The following MAGI2 variants were observed in gnomAD, a reference collection of about 807,000 sequenced individuals.
MAGI2 encodes membrane associated guanylate kinase, WW and PDZ domain containing 2, also known as membrane-associated guanylate kinase, WW and PDZ domain-containing protein 2.
Under a neutral mutation model 133.3 loss-of-function variants are expected in MAGI2, and 35 were observed. The observed-to-expected ratio is 0.26, with a 90% CI of 0.20 to 0.35. The LOEUF is 0.35. Ranked by LOEUF, MAGI2 falls within the 10% of genes least tolerant of loss-of-function variation. The pLI, the probability that MAGI2 is intolerant of heterozygous loss-of-function variation, is 1.00. For synonymous variants in MAGI2, 729 were observed against 710.6 expected, an observed-to-expected ratio of 1.03 and a Z score of -0.41; for missense variants, 1,636 against 1,863.4, an observed-to-expected ratio of 0.88 and a Z score of 2.25.
At chr7:78,536,139 G>A (rs1312704625) in intron 3 of MAGI2, among the ~76,000 whole-genome samples, 3 of 96,688 alleles carry the variant, frequency 3.1e-5, no homozygotes, top group Non-Finnish European at 5.9e-5. Context: ...TTGAGACGGA[G>A]TCTCGCTCTG....
At chr7:79,202,296 A>G (rs1037978362) in intron 1 of MAGI2, among the ~76,000 whole-genome samples, 15 of 151,862 alleles carry the variant, frequency 9.9e-5, no homozygotes, top group Non-Finnish European at 1.2e-4. Context: ...GAAGAGTCAC[A>G]CCCAATATGG....
At chr7:78,569,571 CT>C (rs1801296272) in intron 3 of MAGI2, among the ~76,000 whole-genome samples, 3 of 151,904 alleles carry the variant, frequency 2.0e-5, no homozygotes, top group Admixed American at 2.0e-4. Context: ...AAACAATTTT[CT>C]GGCAAAAAGG....
At chr7:78,690,850 C>G (rs1816880598) in intron 2 of MAGI2, among the ~76,000 whole-genome samples, 1 of 152,118 alleles carries the variant, frequency 6.6e-6, no homozygotes, top group Non-Finnish European at 1.5e-5. Context: ...AGCAGATGAG[C>G]AAGTAGAGTA....
chr7:79,299,638 C>T (rs897010964), intron 1 of MAGI2, among the ~76,000 whole-genome samples: 2 of 150,006 alleles, frequency 1.3e-5, no homozygotes, highest in South Asian at 2.1e-4. Flanking sequence ...TATTTCAAAT[C>T]GGTTGGCAAA....
intron 1 of MAGI2, among the ~76,000 whole-genome samples, chr7:79,062,684 CA>C (rs1239886062): frequency 6.6e-6 from 1 of 151,812 alleles, no homozygotes; most frequent in Non-Finnish European, 1.5e-5. Context: ...AATTTGAAAA[CA>C]AAACAATCCA....
At chr7:78,687,225 C>A (rs1401291401) in intron 2 of MAGI2, among the ~76,000 whole-genome samples, 1 of 152,112 alleles carries the variant, frequency 6.6e-6, no homozygotes, top group East Asian at 1.9e-4. Flanking sequence ...CAAAGCTTTT[C>A]CTGTTATTGA....
At chr7:79,445,502 A>G (rs1300889116) in intron 1 of MAGI2, among the ~76,000 whole-genome samples, 17 of 152,216 alleles carry the variant, frequency 1.1e-4, no homozygotes, top group African/African-American at 2.2e-4. Context: ...AAAAGTGGGC[A>G]AAGGATATGA....
At chr7:78,395,094 T>A (rs1467328459) in intron 6 of MAGI2, among the ~76,000 whole-genome samples, 2 of 152,186 alleles carry the variant, frequency 1.3e-5, no homozygotes, top group Admixed American at 1.3e-4. Context: ...CATTCTTGGC[T>A]TCAGGGAGAG....
intron 2 of MAGI2, among the ~76,000 whole-genome samples, chr7:78,972,466 A>G (rs1326744997): frequency 1.3e-5 from 2 of 151,832 alleles, no homozygotes; most frequent in Non-Finnish European, 2.9e-5. Flanking sequence ...TCTAATTGTG[A>G]AACTAAAACA....
intron 2 of MAGI2, among the ~76,000 whole-genome samples, chr7:78,981,091 C>T (rs911507209): frequency 6.6e-6 from 1 of 151,478 alleles, no homozygotes; most frequent in Non-Finnish European, 1.5e-5. Context: ...TTCTGACTTT[C>T]TTCTATTATG....
chr7:79,437,143 T>C (rs1355729201), intron 1 of MAGI2, among the ~76,000 whole-genome samples: 1 of 151,968 alleles, frequency 6.6e-6, no homozygotes, highest in Admixed American at 6.6e-5. Context: ...AAGCTAAACA[T>C]TGGTACACAT....
intron 1 of MAGI2, among the ~76,000 whole-genome samples, chr7:79,376,128 ATAG>A (rs1843362433): frequency 6.6e-6 from 1 of 151,854 alleles, no homozygotes; most frequent in Non-Finnish European, 1.5e-5. Context: ...ATATGTTTAT[ATAG>A]TAGTTCCCCT....
intron 4 of MAGI2, among the ~76,000 whole-genome samples, chr7:78,504,589 T>G (rs1344902014): frequency 6.6e-6 from 1 of 152,142 alleles, no homozygotes; most frequent in Non-Finnish European, 1.5e-5. Context: ...CTTGGAAATA[T>G]AAAATTCTAC....
intron 2 of MAGI2, among the ~76,000 whole-genome samples, chr7:78,652,912 T>C (rs1354688895): frequency 3.3e-5 from 5 of 150,988 alleles, no homozygotes. Context: ...ATCCAGAATC[T>C]ACAAAGAACT....
intron 1 of MAGI2, among the ~76,000 whole-genome samples, chr7:79,043,766 A>G (rs1811909524): frequency 6.6e-6 from 1 of 152,242 alleles, no homozygotes; most frequent in East Asian, 1.9e-4. Flanking sequence ...ACTATTATGA[A>G]TACCTCTATG....
intron 1 of MAGI2, among the ~76,000 whole-genome samples, chr7:79,036,306 T>A (rs763662356): frequency 6.6e-6 from 1 of 152,200 alleles, no homozygotes; most frequent in Non-Finnish European, 1.5e-5. Context: ...GACTTGAGGA[T>A]TATCACACTA....
At chr7:79,430,858 G>A (rs1847730911) in intron 1 of MAGI2, among the ~76,000 whole-genome samples, 1 of 152,154 alleles carries the variant, frequency 6.6e-6, no homozygotes, top group Admixed American at 6.5e-5. Context: ...GTTAAACTGT[G>A]GCTTGAATAC....
intron 1 of MAGI2, among the ~76,000 whole-genome samples, chr7:79,130,188 G>A (rs1359103351): frequency 6.6e-6 from 1 of 151,868 alleles, no homozygotes; most frequent in Non-Finnish European, 1.5e-5. Flanking sequence ...GGCCATGGTG[G>A]TGGGCACCTG....
At chr7:79,090,213 G>A (rs1816930424) in intron 1 of MAGI2, among the ~76,000 whole-genome samples, 1 of 151,758 alleles carries the variant, frequency 6.6e-6, no homozygotes, top group African/African-American at 2.4e-5. Flanking sequence ...AATTGCATAG[G>A]TAATACCTAC....
Sources: allele counts gnomAD v4.1 joint callset (sites outside exome capture counted in the v4.1 genomes callset), GRCh38; gene constraint gnomAD v4.1.1; transcripts MANE v1.5; gene names NCBI Gene and HGNC (gene_info 2026-07-23, HGNC 2026-07-21).